INSRR: variants seen among roughly 807,000 people sequenced by gnomAD.
INSRR encodes the protein insulin receptor-related protein.
A neutral mutation model predicts 130.0 loss-of-function variants in INSRR; 114 were observed. That is an observed-to-expected ratio of 0.88 (90% CI 0.75 to 1.02). The LOEUF (loss-of-function observed/expected upper bound fraction) is 1.02, where lower values mean the gene tolerates loss of function less well. Ranked by LOEUF, INSRR falls within the 50% of genes least tolerant of loss-of-function variation. The probability of loss-of-function intolerance (pLI) is 0.00; values close to 1 mark genes in which losing one functional copy is unlikely to be tolerated. For synonymous variants in INSRR, 674 were observed against 705.2 expected (o/e 0.96, Z 0.70); for missense variants, 1,657 against 1,735.2 (o/e 0.95, Z 0.80).
chr1:156,841,639 A>G, intron 20 of INSRR, 26 bp downstream of exon 20: 1 of 1,611,934 alleles, frequency 6.2e-7, no homozygotes, highest in Non-Finnish European at 8.5e-7. Flanking sequence ...ACATCCCTGG[A>G]GCCCTGTGCT....
intron 2 of INSRR, 132 bp from the exon 3 acceptor site, chr1:156,852,323 A>C: frequency 1.1e-6 from 1 of 879,936 alleles, no homozygotes; most frequent in Non-Finnish European, 1.7e-6. Context: ...TTCAGATGAC[A>C]CTGGTTGCCG....
intron 19 of INSRR, 65 bp downstream of exon 19, chr1:156,842,047 A>T: frequency 6.2e-7 from 1 of 1,603,788 alleles, no homozygotes; most frequent in South Asian, 1.1e-5. Flanking sequence ...GGGTCTCCTG[A>T]TGCCTAGCTT....
Position 156,846,569 on chromosome 1 carries a change from G to A in INSRR, c.1760C>T (p.Pro587Leu). 1.2e-6 allele frequency: 2 copies of A among 1,614,166 alleles called. No homozygotes were observed. The highest frequency in any genetic ancestry group is 1.3e-5 in the African/African-American group (1 of 75,050). The part of the protein sequence containing the change: ...AITLTTEEDS[P>L]HQGAQSPIVY... Reference sequence around the variant, plus strand: ...GATGGGACTCTGGGCTCCTTGATGAGGGCTGTCCTCCTCAGTGGTTAGCGT... The same window carrying A: ...GATGGGACTCTGGGCTCCTTGATGAAGGCTGTCCTCCTCAGTGGTTAGCGT... Residue 587 changes from proline (P) to leucine (L), a missense_variant, in exon 8 of 22, where the codon CCT becomes CTT. Transcript: ENST00000368195.
At chr1:156,851,613 G>A (rs1655210859) in intron 4 of INSRR, 33 bp downstream of exon 4, 10 of 1,614,028 alleles carry the variant, frequency 6.2e-6, no homozygotes, top group South Asian at 1.1e-5. Context: ...GTATGACCAG[G>A]AGGAGGGGTG....
chr1:156,842,219 C>T lies in INSRR; in HGVS notation c.3290G>A (p.Gly1097Asp). The T allele has an allele frequency of 1.9e-6, 3 of 1,614,068 alleles. No homozygotes were observed. The highest frequency in any genetic ancestry group is 2.5e-6 in the Non-Finnish European group (3 of 1,179,996). Residue 1097 changes from glycine (G) to aspartate (D), a missense_variant, in exon 19 of 22, where the codon GGT (glycine) becomes GAT (aspartate). Transcript: ENST00000368195. ...GTAGGCCATGCCGTCTGCAATCTCACCAGCCATTTGGATCATTTCCCCCAA... is the reference window on the plus strand; with the variant it reads ...GTAGGCCATGCCGTCTGCAATCTCATCAGCCATTTGGATCATTTCCCCCAA... Reference protein sequence around the residue: ...PALGEMIQMAGEIADGMAYLA... With the variant: ...PALGEMIQMADEIADGMAYLA...
At chr1:156,850,204 G>A (rs1571667565) in intron 5 of INSRR, among the ~76,000 whole-genome samples, 1 of 152,042 alleles carries the variant, frequency 6.6e-6, no homozygotes, top group South Asian at 2.1e-4. Context: ...ATCTGGCCTG[G>A]TTGGTTATTT....
In INSRR at chr1:156,854,875, C is replaced by G. The variant is rs1655353097; in HGVS notation, c.86-572G>C. Among the ~76,000 whole-genome samples the G allele has an allele frequency of 6.6e-6, 1 of 152,128 alleles. No homozygotes were observed. Among genetic ancestry groups the G allele is most frequent in the African/African-American group, 2.4e-5 (1 of 41,418 alleles). ...GATCACGTTTCTCCTCTGCTTATAA[C>G]CCCCCGTGACTTCCATCTCTCTTGA... On this transcript the variant is annotated intron_variant, in intron 1 of 21. Transcript: ENST00000368195. The surrounding 1 kb of genome is among the most constrained non-coding windows in gnomAD (Gnocchi z 4.2).
At chr1:156,843,296 C>A (rs142931855) in intron 16 of INSRR, 63 bp from the exon 17 acceptor site, 3 of 1,574,034 alleles carry the variant, frequency 1.9e-6, no homozygotes, top group Non-Finnish European at 2.6e-6. Flanking sequence ...CACCCCCCAA[C>A]TTCTCTTCTC....
Position 156,851,292 on chromosome 1 carries a change from A to C in INSRR, c.1227T>G (p.Asp409Glu). Residue 409 changes from aspartate (D) to glutamate (E), a missense_variant and splice_region_variant, in exon 5 of 22, where the codon GAT (aspartate) becomes GAG (glutamate). Coordinates refer to ENST00000368195, the MANE Select transcript of INSRR (RefSeq NM_014215.3). ...CTGGTCAGAGGCCTAACCCTTACCC[A>C]TCCACCATGGCGTCTCCCCGGATTA... ...LKLIRGDAMV[D>E]GNYTLYVLDN... The C allele has an allele frequency of 6.2e-7, 1 of 1,614,110 alleles. No individual in the cohort carries two copies. The highest frequency in any genetic ancestry group is 8.5e-7 in the Non-Finnish European group (1 of 1,180,010).
chr1:156,844,758 G>T lies in INSRR; in HGVS notation c.2523C>A (p.Asp841Glu), dbSNP rs1311129625. The change falls in exon 13 of 22, where the codon GAC becomes GAA. Residue 841 changes from aspartate (D) to glutamate (E), a missense_variant. Transcript: ENST00000368195. Reference protein sequence around the residue: ...SVLLRWLEPPDPNGLILKYEI... With the variant: ...SVLLRWLEPPEPNGLILKYEI... Reference sequence around the variant, plus strand: ...CGTACTTGAGGATGAGTCCGTTGGGGTCTGGTGGCTCGAGCCAGCGCAGAA... The same window carrying T: ...CGTACTTGAGGATGAGTCCGTTGGGTTCTGGTGGCTCGAGCCAGCGCAGAA... The T allele has an allele frequency of 1.2e-6, 2 of 1,614,046 alleles. No homozygotes were observed. The highest frequency in any genetic ancestry group is 1.7e-6 in the Non-Finnish European group (2 of 1,180,034).
intron 1 of INSRR, among the ~76,000 whole-genome samples, chr1:156,857,627 AG>A (rs1196790333): frequency 6.6e-6 from 1 of 152,128 alleles, no homozygotes; most frequent in Non-Finnish European, 1.5e-5. Flanking sequence ...ATCTGTGACT[AG>A]CACCCTTTAG....
In INSRR at chr1:156,844,751, C is replaced by A; in HGVS notation, c.2530G>T (p.Gly844Ter). 1.2e-6 allele frequency: 2 copies of A among 1,614,068 alleles called. No individual in the cohort carries two copies. The highest frequency in any genetic ancestry group is 2.2e-5 in the South Asian group (2 of 91,072). ...LRWLEPPDPN[G>*]LILKYEIKYR... Reference sequence around the variant, plus strand: ...TTGATTTCGTACTTGAGGATGAGTCCGTTGGGGTCTGGTGGCTCGAGCCAG... The same window carrying A: ...TTGATTTCGTACTTGAGGATGAGTCAGTTGGGGTCTGGTGGCTCGAGCCAG... The change falls in exon 13 of 22, where the codon GGA (glycine) becomes TGA (stop). Residue 844 changes from glycine to a stop codon, truncating the protein, a stop_gained. Coordinates refer to ENST00000368195, the MANE Select transcript of INSRR (RefSeq NM_014215.3). LOFTEE classifies it high-confidence loss of function.
At chr1:156,850,481 G>A (rs1158388343) in intron 5 of INSRR, among the ~76,000 whole-genome samples, 1 of 147,136 alleles carries the variant, frequency 6.8e-6, no homozygotes, top group Non-Finnish European at 1.5e-5. Flanking sequence ...CCAAAGTGCA[G>A]AGATTACAGG....
Position 156,843,360 on chromosome 1 carries a change from A to G in INSRR, c.2896+67T>C, listed in dbSNP as rs1292850887. 1.9e-6 allele frequency: 3 copies of G among 1,583,568 alleles called. No individual in the cohort carries two copies. The African/African-American group carries it at 4.0e-5, about 21-fold the overall frequency. ...TATCTTCTGCAAGAAGGTCTTCTGG[A>G]AGTCTGTCTCTGCTCCTCTCCTGTC... On this transcript the variant is annotated intron_variant, in intron 16 of 21. Coordinates refer to ENST00000368195, the MANE Select transcript of INSRR (RefSeq NM_014215.3).
intron 16 of INSRR, 92 bp from the exon 17 acceptor site, chr1:156,843,325 G>A: frequency 1.3e-6 from 2 of 1,563,930 alleles, no homozygotes; most frequent in Non-Finnish European, 1.8e-6. Flanking sequence ...AAGGGCTCTT[G>A]TCCCAAGGCT....
chr1:156,852,227 C>T (rs1442161025), intron 2 of INSRR, 36 bp from the exon 3 acceptor site: 3 of 1,539,996 alleles, frequency 1.9e-6, no homozygotes, highest in Non-Finnish European at 2.6e-6. Flanking sequence ...GTTGGCCATG[C>T]CCCCTCAGTC....
Position 156,846,600 on chromosome 1 carries a change from C to A in INSRR, c.1729G>T (p.Ala577Ser). 1.2e-6 allele frequency: 2 copies of A among 1,614,160 alleles called. No individual in the cohort carries two copies. Among genetic ancestry groups the A allele is most frequent in the South Asian group, 1.1e-5 (1 of 91,072 alleles). Residue 577 changes from alanine to serine, a missense_variant, in exon 8 of 22, where the codon GCC becomes TCC. Ala to Ser is a moderately conservative substitution (Grantham distance 99). Transcript: ENST00000368195. ...TCCTCCTCAGTGGTTAGCGTGATGG[C>A]CCGCACAAACACTGCGTACTGTGTC... is the stretch of plus-strand genomic sequence containing the variant. ...PWTQYAVFVR[A>S]ITLTTEEDSP...
chr1:156,847,690 G>A (rs890106996), intron 7 of INSRR, among the ~76,000 whole-genome samples: 29 of 152,058 alleles, frequency 1.9e-4, no homozygotes, highest in African/African-American at 7.0e-4. Flanking sequence ...GGCTCATAGT[G>A]GGTGTCATGG....
intron 1 of INSRR, among the ~76,000 whole-genome samples, chr1:156,856,772 T>C (rs1271209675): frequency 1.3e-5 from 2 of 152,130 alleles, no homozygotes; most frequent in Non-Finnish European, 2.9e-5. Flanking sequence ...CCATGGACAA[T>C]GGATGTCTGG....
Sources: allele counts gnomAD v4.1 joint callset (sites outside exome capture counted in the v4.1 genomes callset), GRCh38; gene constraint gnomAD v4.1.1; non-coding constraint Gnocchi (gnomAD v3.1); transcripts MANE v1.5; gene names NCBI Gene and HGNC (gene_info 2026-07-23, HGNC 2026-07-21).